The following GRIN2B variants were observed in gnomAD, a reference collection of about 807,000 sequenced individuals.
GRIN2B encodes the protein glutamate ionotropic receptor NMDA type subunit 2B.
Under a neutral mutation model 114.5 loss-of-function variants are expected in GRIN2B, and 5 were observed. That is an observed-to-expected ratio of 0.04 (90% CI 0.02 to 0.09). The LOEUF (loss-of-function observed/expected upper bound fraction) is 0.09, where lower values mean the gene tolerates loss of function less well. Among genes scored for constraint, GRIN2B ranks in the 10% least tolerant of loss-of-function variants. The pLI, the probability that GRIN2B is intolerant of heterozygous loss-of-function variation, is 1.00. For missense variants in GRIN2B, 1,108 were observed against 1,943.5 expected (o/e 0.57, Z 8.08); for synonymous variants, 787 against 745.1 (o/e 1.06, Z -0.92).
intron 3 of GRIN2B, among the ~76,000 whole-genome samples, chr12:13,807,443 AC>A (rs1864623647): frequency 6.6e-6 from 1 of 151,542 alleles, no homozygotes; most frequent in Non-Finnish European, 1.5e-5. Context: ...TCTCCTTCTC[AC>A]CTCCCTGCAT....
At chr12:13,863,329 T>C (rs1434574234) in intron 3 of GRIN2B, among the ~76,000 whole-genome samples, 2 of 152,140 alleles carry the variant, frequency 1.3e-5, no homozygotes, top group Admixed American at 6.5e-5. Flanking sequence ...AATAGATCAC[T>C]TTCAGTCAGA....
At chr12:13,847,106 G>A (rs2136722522) in intron 3 of GRIN2B, among the ~76,000 whole-genome samples, 1 of 152,190 alleles carries the variant, frequency 6.6e-6, no homozygotes, top group Admixed American at 6.5e-5. Flanking sequence ...AGGTCTGTCT[G>A]GGCCTGAATT....
At chr12:13,581,095 T>C (rs576083154) in intron 10 of GRIN2B, among the ~76,000 whole-genome samples, 8 of 152,180 alleles carry the variant, frequency 5.3e-5, no homozygotes, top group Non-Finnish European at 1.2e-4. Context: ...TTTCAGATAA[T>C]TATGAATAGA....
chr12:13,963,472 C>T (rs34066708), intron 2 of GRIN2B, among the ~76,000 whole-genome samples: 16,344 of 152,184 alleles, frequency 0.11, 904 homozygotes, highest in East Asian at 0.21. Flanking sequence ...AGGACCATCC[C>T]TTTTGCTTTT....
At chr12:13,664,335 C>A (rs1020911556) in intron 5 of GRIN2B, among the ~76,000 whole-genome samples, 8 of 152,090 alleles carry the variant, frequency 5.3e-5, no homozygotes, top group African/African-American at 1.9e-4. Flanking sequence ...GAGAAGAACA[C>A]TTTGCCCTGT....
intron 3 of GRIN2B, among the ~76,000 whole-genome samples, chr12:13,771,791 C>A (rs371929367): frequency 6.6e-6 from 1 of 152,194 alleles, no homozygotes; most frequent in South Asian, 2.1e-4. Flanking sequence ...AAACTGGTTA[C>A]GTTGTTAAAT....
chr12:13,826,449 C>A (rs1375732495), intron 3 of GRIN2B, among the ~76,000 whole-genome samples: 2 of 152,054 alleles, frequency 1.3e-5, no homozygotes, highest in Admixed American at 1.3e-4. Context: ...CCAGCCTGGG[C>A]AACCAGTGAA....
At chr12:13,955,981 G>A (rs549111330) in intron 2 of GRIN2B, among the ~76,000 whole-genome samples, 3 of 152,276 alleles carry the variant, frequency 2.0e-5, no homozygotes, top group African/African-American at 7.2e-5. Context: ...AGAGTGATAC[G>A]TAAGAATGCA....
At position 13,623,207 on chromosome 12, in the gene GRIN2B, T is replaced by G. The variant is rs529830324; in HGVS notation, c.1126-6550A>C. On this transcript the variant is annotated intron_variant, in intron 5 of 13. Coordinates refer to ENST00000609686, the MANE Select transcript of GRIN2B (RefSeq NM_000834.5). ...AGAACTGCATAGTAGCCTATAATAA[T>G]GAATGTGCCTTTATTTACTCAAGCA... Among the ~76,000 whole-genome samples, 3 of 152,340 alleles carry G rather than the reference T, an allele frequency of 2.0e-5. No individual in the cohort carries two copies. The East Asian group carries it at 5.8e-4, about 29-fold the overall frequency.
chr12:13,838,642 G>A (rs1865323755), intron 3 of GRIN2B, among the ~76,000 whole-genome samples: 1 of 151,982 alleles, frequency 6.6e-6, no homozygotes, highest in African/African-American at 2.4e-5. Context: ...CCTCTTCAAG[G>A]ATTAATAGGG....
At chr12:13,919,266 C>G (rs1157364900) in intron 2 of GRIN2B, among the ~76,000 whole-genome samples, 1 of 152,150 alleles carries the variant, frequency 6.6e-6, no homozygotes. Flanking sequence ...CTAGTTTATA[C>G]TTTATGGTTC....
At chr12:13,624,219 AT>A (rs1238641963) in intron 5 of GRIN2B, among the ~76,000 whole-genome samples, 1 of 152,212 alleles carries the variant, frequency 6.6e-6, no homozygotes, top group Non-Finnish European at 1.5e-5. Flanking sequence ...CAGGGACTAT[AT>A]TAGATTGCCT....
chr12:13,753,634 G>A lies in GRIN2B; in HGVS notation c.693C>T (p.Tyr231=). The A allele has an allele frequency of 3.1e-6, 5 of 1,614,156 alleles. No individual in the cohort carries two copies. Among genetic ancestry groups the A allele is most frequent in the Non-Finnish European group, 4.2e-6 (5 of 1,179,982 alleles). ...KKLQSPIILL[Y]CTKEEATYIF... ...TGTAGGTGGCTTCTTCCTTGGTACA[G>A]TAAAGAAGAATGATGGGGCTTTGAA... Residue 231 remains tyrosine (Y), a synonymous_variant, in exon 4 of 14, where the codon TAC becomes TAT. Transcript: ENST00000609686. The surrounding 1 kb of genome is among the most constrained non-coding windows in gnomAD (Gnocchi z 6.2).
chr12:13,794,750 G>T (rs984559287), intron 3 of GRIN2B, among the ~76,000 whole-genome samples: 7 of 152,170 alleles, frequency 4.6e-5, no homozygotes, highest in Non-Finnish European at 8.8e-5. Context: ...TTCTCTACTC[G>T]CCAAGCCTCA....
chr12:13,778,801 T>A (rs1864053062), intron 3 of GRIN2B, among the ~76,000 whole-genome samples: 1 of 152,226 alleles, frequency 6.6e-6, no homozygotes, highest in Non-Finnish European at 1.5e-5. Flanking sequence ...GATCGTTCAT[T>A]CTTCGTTTTA....
intron 2 of GRIN2B, among the ~76,000 whole-genome samples, chr12:13,943,626 A>G (rs1332923676): frequency 6.6e-6 from 1 of 152,088 alleles, no homozygotes; most frequent in Admixed American, 6.5e-5. Flanking sequence ...TTTCTACTCC[A>G]AGGTCTTTGT....
Position 13,825,493 on chromosome 12 carries a change from A to ATATATATTTTTTT in GRIN2B, c.411+40304_411+40305insAAAAAAATATATA, listed in dbSNP as rs1555144006. Among the ~76,000 whole-genome samples, 43 of 28,126 alleles carry ATATATATTTTTTT rather than the reference A, an allele frequency of 1.5e-3. No homozygotes were observed. The East Asian group carries it at 0.025, about 16-fold the overall frequency. The allele number at this position is 28,126 out of a possible 152,430, so 18.5% of individuals were successfully genotyped here. ...ATATATATATAATAAATATATATAT[A>ATATATATTTTTTT]TTTTGTGTGTGTGTGTGTGTGTGTG... On this transcript the variant is annotated intron_variant, in intron 3 of 13. Transcript: ENST00000609686.
chr12:13,580,986 G>A (rs191293189), intron 10 of GRIN2B, among the ~76,000 whole-genome samples: 10 of 152,152 alleles, frequency 6.6e-5, no homozygotes, highest in African/African-American at 2.4e-4. Context: ...CCAGGCCTTT[G>A]CATGTATCTG....
At chr12:13,793,271 A>G (rs947782486) in intron 3 of GRIN2B, among the ~76,000 whole-genome samples, 6 of 152,118 alleles carry the variant, frequency 3.9e-5, no homozygotes, top group Non-Finnish European at 7.4e-5. Flanking sequence ...AGATCCAAAA[A>G]TTAGCCAGGA....
Sources: allele counts gnomAD v4.1 joint callset (sites outside exome capture counted in the v4.1 genomes callset), GRCh38; gene constraint gnomAD v4.1.1; non-coding constraint Gnocchi (gnomAD v3.1); transcripts MANE v1.5; gene names NCBI Gene and HGNC (gene_info 2026-07-23, HGNC 2026-07-21).